Variants in RIOK2 observed in about 807,000 individuals in gnomAD.
RIOK2 encodes the protein RIO kinase 2, also known as serine/threonine-protein kinase RIO2.
A neutral mutation model predicts 62.4 loss-of-function variants in RIOK2; 46 were observed. The observed-to-expected ratio is 0.74, with a 90% confidence interval of 0.58 to 0.94. The LOEUF (loss-of-function observed/expected upper bound fraction) is 0.94, where lower values mean the gene tolerates loss of function less well. Among genes scored for constraint, RIOK2 ranks in the 40% least tolerant of loss-of-function variants. RIOK2 has a pLI of 0.00. For synonymous variants in RIOK2, 197 were observed against 216.0 expected (o/e 0.91, Z 0.77); for missense variants, 574 against 658.0 (o/e 0.87, Z 1.40).
rs544932534 is a variant in RIOK2, at chr5:97,180,753, G to A, written c.67-1560C>T. Among the ~76,000 whole-genome samples, 4 of 152,264 alleles carry A rather than the reference G, an allele frequency of 2.6e-5. No homozygotes were observed. In the South Asian group the frequency reaches 8.3e-4, roughly 32 times the overall value. ...AGCCACCAGAACAGGGTAAGTGGTAGTGGTACTGGAAGGAAGGAATAAAAA... is the reference window on the plus strand; with the variant it reads ...AGCCACCAGAACAGGGTAAGTGGTAATGGTACTGGAAGGAAGGAATAAAAA... On this transcript the variant is annotated intron_variant, in intron 1 of 9. Transcript: ENST00000283109.
chr5:97,162,839 G>T lies in RIOK2; in HGVS notation c.*222C>A. On this transcript the variant is annotated 3_prime_UTR_variant, in exon 10 of 10. Coordinates refer to ENST00000283109, the MANE Select transcript of RIOK2 (RefSeq NM_018343.3). Reference sequence around the variant, plus strand: ...AAAATATGCAAATGTCTCTAATAAAGTTACGTAACTGTAGTTACCCAAATT... The same window carrying T: ...AAAATATGCAAATGTCTCTAATAAATTTACGTAACTGTAGTTACCCAAATT... 1 of 463,218 alleles carries T rather than the reference G, an allele frequency of 2.2e-6. No individual in the cohort carries two copies. The highest frequency in any genetic ancestry group is 3.8e-6 in the Non-Finnish European group (1 of 264,756). 28.7% of individuals were successfully genotyped at this position (463,218 alleles called of 1,614,324 possible). A position where few individuals can be genotyped will look rare whatever the true frequency, so the allele number is the denominator to read the frequency against.
At chr5:97,173,349 C>T in intron 4 of RIOK2, 86 bp from the exon 5 acceptor site, 2 of 776,816 alleles carry the variant, frequency 2.6e-6, no homozygotes, top group Non-Finnish European at 4.1e-6. Flanking sequence ...TTTCTACAAC[C>T]AGAAAAAAAA....
chr5:97,171,436 T>A, intron 5 of RIOK2, 39 bp from the exon 6 acceptor site: 1 of 1,407,532 alleles, frequency 7.1e-7, no homozygotes, highest in Non-Finnish European at 9.4e-7. Context: ...TTACTTGTGT[T>A]CATTTACGGT....
Position 97,179,202 on chromosome 5 carries a change from AAAGG to A in RIOK2, c.67-13_67-10del, listed in dbSNP as rs763372122. The A allele has an allele frequency of 1.9e-6, 3 of 1,611,218 alleles. No homozygotes were observed. In the South Asian group the frequency reaches 3.3e-5, roughly 18 times the overall value. ...TTCATGCCCATTTCAACCTGAAATT[AAAGG>A]AATCATTATATAATCATAATCAACA... On this transcript the variant is annotated splice_polypyrimidine_tract_variant and intron_variant, in intron 1 of 9. Coordinates refer to ENST00000283109, the MANE Select transcript of RIOK2 (RefSeq NM_018343.3).
chr5:97,181,218 G>A (rs1749400790), intron 1 of RIOK2, among the ~76,000 whole-genome samples: 1 of 148,796 alleles, frequency 6.7e-6, no homozygotes, highest in South Asian at 2.1e-4. Flanking sequence ...GTTGCAGTGA[G>A]CTGAGATTGT....
In RIOK2 at chr5:97,161,657, C is replaced by T. The variant is rs1476725340; in HGVS notation, c.*1404G>A. 6.6e-6 allele frequency: 1 copy of T among 152,066 alleles called. No individual in the cohort carries two copies. The highest frequency in any genetic ancestry group is 1.5e-5 in the Non-Finnish European group (1 of 67,996). 9.4% of individuals were successfully genotyped at this position (152,066 alleles called of 1,614,324 possible). On this transcript the variant is annotated 3_prime_UTR_variant, in exon 10 of 10. Transcript: ENST00000283109. ...TCTTGAGTTTCTTAATAGTAATGGG[C>T]TTTTTATGTAGTAGATACTCAAAAG...
chr5:97,177,867 A>AT lies in RIOK2; in HGVS notation c.206-20dup. 1 of 1,461,446 alleles carries AT rather than the reference A, an allele frequency of 6.8e-7. No homozygotes were observed. Among genetic ancestry groups the AT allele is most frequent in the Non-Finnish European group, 9.5e-7 (1 of 1,049,662 alleles). 90.5% of individuals were successfully genotyped at this position (1,461,446 alleles called of 1,614,324 possible). A position where few individuals can be genotyped will look rare whatever the true frequency, so the allele number is the denominator to read the frequency against. On this transcript the variant is annotated intron_variant, in intron 2 of 9. Coordinates refer to ENST00000283109, the MANE Select transcript of RIOK2 (RefSeq NM_018343.3). ...TGGACAGCTAGACAAAAATCAAAGC[A>AT]TAAAGACCATATTTCAGTTACATTG...
At chr5:97,166,379 A>G (rs1748842160) in intron 8 of RIOK2, 3 of 438,044 alleles carry the variant, frequency 6.8e-6, no homozygotes, top group Non-Finnish European at 1.4e-5. Flanking sequence ...CAGCTATATG[A>G]AAAAGGAACA....
rs749266352 is a variant in RIOK2, at chr5:97,163,137, A to G, written c.1583T>C (p.Ile528Thr). 1.2e-6 allele frequency: 2 copies of G among 1,613,614 alleles called. No homozygotes were observed. The highest frequency in any genetic ancestry group is 1.1e-5 in the South Asian group (1 of 91,070). Residue 528 changes from isoleucine (I) to threonine (T), a missense_variant, in exon 10 of 10, where the codon ATA becomes ACA. By Grantham distance (89) the Ile-to-Thr change is moderately conservative. Coordinates refer to ENST00000283109, the MANE Select transcript of RIOK2 (RefSeq NM_018343.3). Reference protein sequence around the residue: ...RRRLQKGEANIFTKQRRENMQ... With the variant: ...RRRLQKGEANTFTKQRRENMQ... ...GTTTTCCCTACGTTGCTTGGTAAAT[A>G]TATTTGCTTCTCCTTTCTGCAATCG...
At chr5:97,172,422 C>A (rs1201731120) in intron 5 of RIOK2, among the ~76,000 whole-genome samples, 1 of 152,186 alleles carries the variant, frequency 6.6e-6, no homozygotes, top group Non-Finnish European at 1.5e-5. Flanking sequence ...CCTTCACATC[C>A]ATATCCAATC....
At position 97,162,160 on chromosome 5, in the gene RIOK2, T is replaced by C. The variant is rs1748719475; in HGVS notation, c.*901A>G. 1 of 152,122 alleles carries C rather than the reference T, an allele frequency of 6.6e-6. No individual in the cohort carries two copies. The highest frequency in any genetic ancestry group is 1.5e-5 in the Non-Finnish European group (1 of 68,022). The allele number at this position is 152,122 out of a possible 1,614,324, so 9.4% of individuals were successfully genotyped here. A position where few individuals can be genotyped will look rare whatever the true frequency, so the allele number is the denominator to read the frequency against. Reference sequence around the variant, plus strand: ...TGATATTGCCATCTAGTGGCCATTTTTCGCTGCAAGTGATCCCCTTTTCCG... The same window carrying C: ...TGATATTGCCATCTAGTGGCCATTTCTCGCTGCAAGTGATCCCCTTTTCCG... On this transcript the variant is annotated 3_prime_UTR_variant, in exon 10 of 10. Coordinates refer to ENST00000283109, the MANE Select transcript of RIOK2 (RefSeq NM_018343.3).
chr5:97,163,381 C>CCAAA (rs1375287884), intron 9 of RIOK2, among the ~76,000 whole-genome samples, 156 bp from the exon 10 acceptor site: 1 of 152,034 alleles, frequency 6.6e-6, no homozygotes, highest in East Asian at 1.9e-4. Context: ...AAATTAAATT[C>CCAAA]CAAACAGAAA....
chr5:97,179,179 C>A lies in RIOK2; in HGVS notation c.81G>T (p.Met27Ile). 1 of 1,613,470 alleles carries A rather than the reference C, an allele frequency of 6.2e-7. No individual in the cohort carries two copies. ...FRVLTAVEMG[M>I]KNHEIVPGSL... ...TGCCGGGAACAATTTCATGGTTCTT[C>A]ATGCCCATTTCAACCTGAAATTAAA... The change falls in exon 2 of 10, where the codon ATG (methionine) becomes ATT (isoleucine). Residue 27 changes from methionine (M) to isoleucine (I), a missense_variant. Physicochemically the swap from Met to Ile is conservative, Grantham distance 10. Coordinates refer to ENST00000283109, the MANE Select transcript of RIOK2 (RefSeq NM_018343.3).
intron 1 of RIOK2, chr5:97,182,716 T>C (rs1021281953): frequency 4.6e-6 from 1 of 216,278 alleles, no homozygotes; most frequent in Non-Finnish European, 8.9e-6. Flanking sequence ...GTTGACTGAA[T>C]GAATCAGAAA....
intron 8 of RIOK2, 196 bp downstream of exon 8, chr5:97,167,271 G>C (rs1748868519): frequency 7.0e-7 from 1 of 1,431,988 alleles, no homozygotes; most frequent in Admixed American, 2.9e-5. Context: ...TCAATAGGCT[G>C]CCTAGAATCA....
rs776080087 is a variant in RIOK2 at position 97,179,106 on chromosome 5, CTT to C, written c.152_153del (p.Lys51SerfsTer9). 3 of 1,613,976 alleles carry C rather than the reference CTT, an allele frequency of 1.9e-6. No individual in the cohort carries two copies. In the South Asian group the frequency reaches 3.3e-5, roughly 18 times the overall value. ...TTATGTTTCACTAATTCTCTTAAAA[CTT>C]TATTACAGCCACCATGTTTAAGGCT... ...IASLKHGGCN[K>X]VLRELVKHKL... On this transcript the variant is annotated frameshift_variant, in exon 2 of 10. Coordinates refer to ENST00000283109, the MANE Select transcript of RIOK2 (RefSeq NM_018343.3). LOFTEE classifies it high-confidence loss of function.
chr5:97,166,894 A>C, intron 8 of RIOK2: 1 of 979,796 alleles, frequency 1.0e-6, no homozygotes, highest in South Asian at 4.7e-5. Flanking sequence ...ACCTGCAATA[A>C]TTTTAAAATC....
chr5:97,172,878 T>G (rs1011020917), intron 5 of RIOK2, among the ~76,000 whole-genome samples: 1 of 152,216 alleles, frequency 6.6e-6, no homozygotes, highest in African/African-American at 2.4e-5. Context: ...CACATCTCCT[T>G]CCATCAGAAT....
rs747786018 is a variant in RIOK2 at position 97,167,474 on chromosome 5, G to T, written c.1390C>A (p.Pro464Thr). 5.0e-6 allele frequency: 8 copies of T among 1,613,920 alleles called. No homozygotes were observed. The highest frequency in any genetic ancestry group is 5.9e-6 in the Non-Finnish European group (7 of 1,179,940). Residue 464 changes from proline (P) to threonine (T), a missense_variant, in exon 8 of 10, where the codon CCT becomes ACT. Pro to Thr is a conservative substitution (Grantham distance 38). Coordinates refer to ENST00000283109, the MANE Select transcript of RIOK2 (RefSeq NM_018343.3). ...ALSSLNREFRPFRDEENVGAM... is the reference protein window; with the variant it reads ...ALSSLNREFRTFRDEENVGAM... ...ATCGACAGAAGTCTATACCTGAAAG[G>T]CCTGAATTCTCTATTTAATGACGAC...
Sources: gnomAD v4.1 joint callset for allele counts (sites outside exome capture counted in the v4.1 genomes callset) on GRCh38, gnomAD v4.1.1 for gene constraint, MANE v1.5 for transcripts, NCBI Gene and HGNC (gene_info 2026-07-23, HGNC 2026-07-21) for gene names.